CLEC1A: variants seen among roughly 807,000 people sequenced by gnomAD.
The protein encoded by CLEC1A is C-type lectin-like receptor-1.
CLEC1A carries 34 observed loss-of-function variants against 28.7 expected under a neutral mutation model. The ratio of observed to expected loss-of-function variants is 1.18; its 90% confidence interval spans 0.90 to 1.57. The LOEUF (loss-of-function observed/expected upper bound fraction) is 1.57, where lower values mean the gene tolerates loss of function less well. Ranked by LOEUF, CLEC1A falls within the 40% of genes most tolerant of loss-of-function variation. The pLI, the probability that CLEC1A is intolerant of heterozygous loss-of-function variation, is 0.00. For synonymous variants in CLEC1A, 116 were observed against 121.0 expected (o/e 0.96, Z 0.27); for missense variants, 385 against 339.5 (o/e 1.13, Z -1.05).
rs999780931 is a variant in CLEC1A at position 10,071,453 on chromosome 12, A to G, written c.723T>C (p.Asn241=). 6.2e-7 allele frequency: 1 copy of G among 1,613,730 alleles called. No homozygotes were observed. Among genetic ancestry groups the G allele is most frequent in the Non-Finnish European group, 8.5e-7 (1 of 1,179,680 alleles). ...TGCAGTCCTTTGAGAAGATCATCCC[A>G]TTAAGGATGGCCACACAGTCTCTGC... ...PRSRDCVAIL[N]GMIFSKDCKE... The change falls in exon 6 of 6, where the codon AAT becomes AAC. Residue 241 remains asparagine, a synonymous_variant. Transcript: ENST00000315330.
chr12:10,090,585 T>C (rs1866597852), intron 1 of CLEC1A, among the ~76,000 whole-genome samples: 2 of 152,122 alleles, frequency 1.3e-5, no homozygotes, highest in Middle Eastern at 3.4e-3. Flanking sequence ...GAGATTTATA[T>C]GAAACGTTAT....
chr12:10,082,705 T>G (rs1432793141), intron 2 of CLEC1A, among the ~76,000 whole-genome samples: 1 of 149,902 alleles, frequency 6.7e-6, no homozygotes, highest in East Asian at 1.9e-4. Context: ...CTGCAGCTGG[T>G]GCTCTCTTTA....
intron 2 of CLEC1A, among the ~76,000 whole-genome samples, chr12:10,083,399 G>GAATTCA (rs1866410655): frequency 1.3e-5 from 2 of 152,150 alleles, no homozygotes; most frequent in Non-Finnish European, 2.9e-5. Context: ...GAATTCAGAA[G>GAATTCA]GTTGATTATT....
intron 1 of CLEC1A, among the ~76,000 whole-genome samples, chr12:10,089,856 A>G (rs1866576727): frequency 6.6e-6 from 1 of 152,202 alleles, no homozygotes; most frequent in Admixed American, 6.5e-5. Flanking sequence ...GAAACATGAT[A>G]ATCAATTTCA....
At chr12:10,092,442 A>G (rs1171056675) in intron 1 of CLEC1A, 1 of 389,572 alleles carries the variant, frequency 2.6e-6, no homozygotes, top group Non-Finnish European at 5.1e-6. Flanking sequence ...AGCTACTCAG[A>G]AGGCTGAGGT....
chr12:10,079,916 C>T (rs1312459961), intron 3 of CLEC1A, among the ~76,000 whole-genome samples: 2 of 152,134 alleles, frequency 1.3e-5, no homozygotes, highest in Non-Finnish European at 2.9e-5. Context: ...ATCTCCTCAG[C>T]TCAATCTTCT....
At chr12:10,085,196 AACACACACACACACACACACACACAC>A (rs144572464) in intron 2 of CLEC1A, among the ~76,000 whole-genome samples, 1 of 129,142 alleles carries the variant, frequency 7.7e-6, no homozygotes. Flanking sequence ...ATAAGACAAT[AACACACACACACACACACACACACAC>A]ACACACACAC....
intron 1 of CLEC1A, among the ~76,000 whole-genome samples, chr12:10,095,124 T>C (rs1397247466): frequency 6.6e-6 from 1 of 152,176 alleles, no homozygotes; most frequent in Non-Finnish European, 1.5e-5. Context: ...TTGTCATTAG[T>C]AGGTTTGATT....
At chr12:10,081,603 T>TTTTTTTTTTTTTTTTGAG (rs1565602696) in intron 2 of CLEC1A, among the ~76,000 whole-genome samples, 190 bp from the exon 3 acceptor site, 1 of 133,734 alleles carries the variant, frequency 7.5e-6, no homozygotes, top group Non-Finnish European at 1.6e-5. Context: ...TTAATTTCTT[T>TTTTTTTTTTTTTTTTGAG]AAGTCTGTCT....
chr12:10,072,492 T>C (rs1421667630), intron 5 of CLEC1A, among the ~76,000 whole-genome samples: 1 of 152,232 alleles, frequency 6.6e-6, no homozygotes, highest in Non-Finnish European at 1.5e-5. Context: ...GATTGTGTTT[T>C]TTAAAAGATG....
chr12:10,073,368 T>C lies in CLEC1A; in HGVS notation c.587A>G (p.Tyr196Cys), dbSNP rs138640737. 9.9e-6 allele frequency: 16 copies of C among 1,613,888 alleles called. No homozygotes were observed. The highest frequency in any genetic ancestry group is 1.4e-5 in the Non-Finnish European group (16 of 1,179,946). ...SQSYSEFFYS[Y>C]WTGLLRPDSG... ...GTCAGGGCGCAAAAGCCCTGTCCAA[T>C]AAGAGTAGAAAAACTCAGAGTAGCT... Residue 196 changes from tyrosine (Y) to cysteine (C), a missense_variant, in exon 5 of 6, where the codon TAT (tyrosine) becomes TGT (cysteine). Tyr to Cys is a radical substitution (Grantham distance 194). Coordinates refer to ENST00000315330, the MANE Select transcript of CLEC1A (RefSeq NM_016511.4).
chr12:10,097,965 T>TAAATAG lies in CLEC1A; in HGVS notation c.115+837_115+842dup, dbSNP rs550892643. 1.8e-3 allele frequency among the ~76,000 whole-genome samples: 261 copies of TAAATAG among 142,630 alleles called. 2 individuals are homozygous for TAAATAG. Among genetic ancestry groups the TAAATAG allele is most frequent in the African/African-American group, 6.4e-3 (247 of 38,712 alleles). 93.6% of individuals were successfully genotyped at this position (142,630 alleles called of 152,430 possible). A position where few individuals can be genotyped will look rare whatever the true frequency, so the allele number is the denominator to read the frequency against. On this transcript the variant is annotated intron_variant, in intron 1 of 5. Transcript: ENST00000315330. ...AGGTTTCAGGTGGAGGGTCATTTAA[T>TAAATAG]AAATAGAAATAAATAGAAAGTGAAT...
chr12:10,072,662 G>C (rs61918616), intron 5 of CLEC1A, among the ~76,000 whole-genome samples: 2 of 111,380 alleles, frequency 1.8e-5, no homozygotes, highest in African/African-American at 6.1e-5. Context: ...CTCTCTCTCT[G>C]TCTCTCCCTT....
At chr12:10,094,316 A>G (rs1269606596) in intron 1 of CLEC1A, among the ~76,000 whole-genome samples, 2 of 152,064 alleles carry the variant, frequency 1.3e-5, no homozygotes, top group East Asian at 3.9e-4. Flanking sequence ...TTTTACAGGT[A>G]GGGAACTGAG....
At position 10,098,861 on chromosome 12, in the gene CLEC1A, CT is replaced by C. The variant is rs1446746449; in HGVS notation, c.61del (p.Ser21AlafsTer32). 1.2e-6 allele frequency: 2 copies of C among 1,613,626 alleles called. No individual in the cohort carries two copies. The highest frequency in any genetic ancestry group is 1.7e-6 in the Non-Finnish European group (2 of 1,179,826). On this transcript the variant is annotated frameshift_variant, in exon 1 of 6. Coordinates refer to ENST00000315330, the MANE Select transcript of CLEC1A (RefSeq NM_016511.4). LOFTEE classifies it high-confidence loss of function. Reference sequence around the variant, plus strand: ...TGTGGCAGAGCCTTGAGAATGCAGGCTCATGGTGGTGTCCCCATCATCATCC... The same window carrying C: ...TGTGGCAGAGCCTTGAGAATGCAGGCCATGGTGGTGTCCCCATCATCATCC... Reference protein sequence around the residue: ...MLDDDGDTTMSLHSQGSATTR... With the variant: ...MLDDDGDTTMXLHSQGSATTR...
chr12:10,088,364 A>T (rs1024849397), intron 2 of CLEC1A, among the ~76,000 whole-genome samples: 1 of 152,158 alleles, frequency 6.6e-6, no homozygotes, highest in African/African-American at 2.4e-5. Context: ...AAGTATTAAA[A>T]TTCCTATAAA....
intron 1 of CLEC1A, among the ~76,000 whole-genome samples, chr12:10,091,925 A>G (rs1947711160): frequency 6.6e-6 from 1 of 152,188 alleles, no homozygotes. Context: ...TCCTTCTTGG[A>G]AAATATTTAT....
chr12:10,075,052 A>G (rs531973622), intron 4 of CLEC1A, among the ~76,000 whole-genome samples: 2 of 152,342 alleles, frequency 1.3e-5, no homozygotes, highest in East Asian at 3.9e-4. Flanking sequence ...TGACCAGTCT[A>G]TCCTAGGCTG....
At chr12:10,090,845 A>C (rs1041593385) in intron 1 of CLEC1A, among the ~76,000 whole-genome samples, 2 of 151,994 alleles carry the variant, frequency 1.3e-5, no homozygotes, top group Non-Finnish European at 2.9e-5. Context: ...CAATTTTATT[A>C]TGCTACTTCC....
Sources: gnomAD v4.1 joint callset for allele counts (sites outside exome capture counted in the v4.1 genomes callset) on GRCh38, gnomAD v4.1.1 for gene constraint, MANE v1.5 for transcripts, NCBI Gene and HGNC (gene_info 2026-07-23, HGNC 2026-07-21) for gene names.